KLF12: variants seen among roughly 807,000 people sequenced by gnomAD.
The protein encoded by KLF12 is KLF transcription factor 12.
KLF12 carries 9 observed loss-of-function variants against 37.8 expected under a neutral mutation model. That is an observed-to-expected ratio of 0.24 (90% CI 0.14 to 0.42). The LOEUF is 0.42. Among genes scored for constraint, KLF12 ranks in the 10% least tolerant of loss-of-function variants. KLF12 has a pLI of 1.00. For missense variants in KLF12, 411 were observed against 516.0 expected, an observed-to-expected ratio of 0.80 and a Z score of 1.97; for synonymous variants, 208 against 202.1, an observed-to-expected ratio of 1.03 and a Z score of -0.25.
intron 2 of KLF12, among the ~76,000 whole-genome samples, chr13:73,984,126 A>G (rs1891758123): frequency 6.6e-6 from 1 of 152,190 alleles, no homozygotes; most frequent in Non-Finnish European, 1.5e-5. Context: ...GTAGAGCTGC[A>G]AGTGAAATGG....
chr13:74,305,683 C>G, the KLF12 span, among the ~76,000 whole-genome samples: 2 of 152,046 alleles, frequency 1.3e-5, no homozygotes, highest in Non-Finnish European at 2.9e-5. Context: ...AAATATCTCT[C>G]TAGTAAAACT....
chr13:74,009,791 C>G (rs1892503513), intron 1 of KLF12, among the ~76,000 whole-genome samples: 1 of 152,134 alleles, frequency 6.6e-6, no homozygotes, highest in Non-Finnish European at 1.5e-5. Context: ...ACAGGAGAGT[C>G]TCGTGCTCTC....
chr13:74,245,169 G>A, the KLF12 span, among the ~76,000 whole-genome samples: 1 of 152,100 alleles, frequency 6.6e-6, no homozygotes, highest in Non-Finnish European at 1.5e-5. Context: ...TATTTATTGA[G>A]ACAGATACAA....
intron 2 of KLF12, among the ~76,000 whole-genome samples, chr13:73,994,167 C>G (rs1892043773): frequency 6.6e-6 from 1 of 152,086 alleles, no homozygotes; most frequent in Admixed American, 6.5e-5. Context: ...TGAAGGTAGG[C>G]TGGCAGAAAA....
chr13:73,851,838 T>C (rs1469752398), intron 3 of KLF12, among the ~76,000 whole-genome samples: 2 of 152,224 alleles, frequency 1.3e-5, no homozygotes, highest in African/African-American at 4.8e-5. Flanking sequence ...TTGGAGCTTT[T>C]AGGTTACGCT....
chr13:73,706,512 C>T (rs951076051), intron 7 of KLF12, among the ~76,000 whole-genome samples: 2 of 152,190 alleles, frequency 1.3e-5, no homozygotes, highest in African/African-American at 4.8e-5. Context: ...AGTAACTCTC[C>T]ATGATAGGTT....
rs556708878 is a variant in KLF12 at position 74,053,799 on chromosome 13, T to C, written c.-31-58746A>G. The stretch of plus-strand genomic sequence containing the variant: ...ATTGCCTAAAATTATATCAGTACAT[T>C]GTTAAGAGGGAGAATGAGGTGGAGG... On this transcript the variant is annotated intron_variant, in intron 1 of 7. Transcript: ENST00000377669. Among the ~76,000 whole-genome samples the C allele has an allele frequency of 2.6e-5, 4 of 152,304 alleles. No homozygotes were observed. The East Asian group carries it at 7.7e-4, about 29-fold the overall frequency.
intron 5 of KLF12, among the ~76,000 whole-genome samples, chr13:73,811,718 C>T (rs1882950014): frequency 6.6e-6 from 1 of 152,144 alleles, no homozygotes; most frequent in Non-Finnish European, 1.5e-5. Flanking sequence ...CTATTAAGAG[C>T]TTGCATGGAA....
intron 1 of KLF12, among the ~76,000 whole-genome samples, chr13:74,095,094 T>C (rs927542646): frequency 2.0e-5 from 3 of 152,218 alleles, no homozygotes; most frequent in African/African-American, 4.8e-5. Context: ...TTCTGAGTTT[T>C]GATACAATAA....
chr13:73,948,439 G>C (rs904272725), intron 2 of KLF12, among the ~76,000 whole-genome samples: 5 of 152,032 alleles, frequency 3.3e-5, no homozygotes, highest in East Asian at 1.9e-4. Context: ...GCCTGTTCTC[G>C]AACTCCCGGC....
At chr13:73,710,053 T>C (rs1211553388) in intron 7 of KLF12, among the ~76,000 whole-genome samples, 3 of 152,176 alleles carry the variant, frequency 2.0e-5, no homozygotes, top group Non-Finnish European at 2.9e-5. Context: ...TTTCTTAGAC[T>C]TGAAAAAGTA....
At chr13:74,025,540 G>A (rs932955705) in intron 1 of KLF12, among the ~76,000 whole-genome samples, 2 of 150,972 alleles carry the variant, frequency 1.3e-5, no homozygotes, top group Non-Finnish European at 2.9e-5. Flanking sequence ...TACACATGTT[G>A]GACACTTTGG....
intron 1 of KLF12, among the ~76,000 whole-genome samples, chr13:74,077,595 G>A (rs1246991889): frequency 2.6e-5 from 4 of 152,178 alleles, no homozygotes; most frequent in Non-Finnish European, 4.4e-5. Context: ...CCCATCATTT[G>A]TGAGATGAGT....
Position 73,688,570 on chromosome 13 carries a change from A to G in KLF12, c.*6920T>C, listed in dbSNP as rs1441304374. ...GTGTACTCAGGCTAAAATGCTACTA[A>G]GTATTTGGATGATTTTGGAGCTCCA... On this transcript the variant is annotated 3_prime_UTR_variant, in exon 8 of 8. Coordinates refer to ENST00000377669, the MANE Select transcript of KLF12 (RefSeq NM_007249.5). 2 of 152,196 alleles carry G rather than the reference A, an allele frequency of 1.3e-5. No individual in the cohort carries two copies. The highest frequency in any genetic ancestry group is 1.9e-4 in the East Asian group (1 of 5,194). The allele number at this position is 152,196 out of a possible 1,614,324, so 9.4% of individuals were successfully genotyped here.
chr13:74,166,676 C>T, the KLF12 span, among the ~76,000 whole-genome samples: 1 of 152,186 alleles, frequency 6.6e-6, no homozygotes, highest in East Asian at 1.9e-4. Flanking sequence ...CCTATTTCTG[C>T]ATGGATTTCC....
At chr13:73,815,904 T>C (rs1026894157) in intron 4 of KLF12, among the ~76,000 whole-genome samples, 3 of 152,342 alleles carry the variant, frequency 2.0e-5, no homozygotes, top group East Asian at 3.9e-4. Flanking sequence ...TACATGATCA[T>C]CTAATTATGT....
intron 7 of KLF12, among the ~76,000 whole-genome samples, chr13:73,700,892 C>T (rs894357411): frequency 5.9e-5 from 9 of 152,190 alleles, no homozygotes; most frequent in Admixed American, 5.9e-4. Flanking sequence ...TTAAAGCACA[C>T]AATCTTATAA....
At chr13:73,789,898 G>A (rs953437456) in intron 5 of KLF12, among the ~76,000 whole-genome samples, 16 of 152,160 alleles carry the variant, frequency 1.1e-4, no homozygotes, top group African/African-American at 3.1e-4. Flanking sequence ...GGATGGTCTC[G>A]ATCTCCTGAC....
the KLF12 span, among the ~76,000 whole-genome samples, chr13:74,205,761 G>C: frequency 6.6e-6 from 1 of 152,124 alleles, no homozygotes; most frequent in Admixed American, 6.6e-5. Flanking sequence ...TGGGTAGAGA[G>C]GTTGAGGACA....
Sources: allele counts gnomAD v4.1 joint callset (sites outside exome capture counted in the v4.1 genomes callset), GRCh38; gene constraint gnomAD v4.1.1; transcripts MANE v1.5; gene names NCBI Gene and HGNC (gene_info 2026-07-23, HGNC 2026-07-21).